The following PCDHGB7 variants were observed in gnomAD, a reference collection of about 807,000 sequenced individuals.
PCDHGB7 encodes the protein protocadherin gamma subfamily B, 7.
Under a neutral mutation model 61.4 loss-of-function variants are expected in PCDHGB7, and 37 were observed. The ratio of observed to expected loss-of-function variants is 0.60; its 90% CI spans 0.46 to 0.79. The LOEUF is 0.79. Among genes scored for constraint, PCDHGB7 ranks in the 30% least tolerant of loss-of-function variants. PCDHGB7 has a pLI of 0.00. For synonymous variants in PCDHGB7, 464 were observed against 503.5 expected (o/e 0.92, Z 1.05); for missense variants, 1,166 against 1,202.5 (o/e 0.97, Z 0.45).
chr5:141,459,580 G>C (rs1364413383), intron 1 of PCDHGB7, among the ~76,000 whole-genome samples: 1 of 152,118 alleles, frequency 6.6e-6, no homozygotes, highest in Non-Finnish European at 1.5e-5. Flanking sequence ...GAATTGTTTT[G>C]GGGGTCATAT....
intron 1 of PCDHGB7, among the ~76,000 whole-genome samples, chr5:141,445,318 G>T (rs182520609): frequency 2.0e-4 from 30 of 152,306 alleles, no homozygotes; most frequent in African/African-American, 7.2e-4. Context: ...TAGGTTGAGA[G>T]AACCCATCCA....
rs750139205 is a variant in PCDHGB7 at position 141,489,738 on chromosome 5, T to C, written c.2416-5069T>C. Reference sequence around the variant, plus strand: ...AGGATCCGGATGTGGGCACCAATACTGTGAGCTTTTACACTCTAAGCCCCA... The same window carrying C: ...AGGATCCGGATGTGGGCACCAATACCGTGAGCTTTTACACTCTAAGCCCCA... On this transcript the variant is annotated intron_variant, in intron 1 of 3. Coordinates refer to ENST00000398594, the MANE Select transcript of PCDHGB7 (RefSeq NM_018927.4). This position sits in a 1 kb window ranked among gnomAD's most constrained non-coding sequence, Gnocchi z 4.5. 1 of 1,614,168 alleles carries C rather than the reference T, an allele frequency of 6.2e-7. No individual in the cohort carries two copies. Among genetic ancestry groups the C allele is most frequent in the Non-Finnish European group, 8.5e-7 (1 of 1,180,030 alleles).
At chr5:141,446,822 A>G (rs976227044) in intron 1 of PCDHGB7, among the ~76,000 whole-genome samples, 1 of 152,206 alleles carries the variant, frequency 6.6e-6, no homozygotes, top group African/African-American at 2.4e-5. Flanking sequence ...TCAGATGGGT[A>G]GATCCTTATA....
intron 1 of PCDHGB7, among the ~76,000 whole-genome samples, chr5:141,437,550 A>T (rs866913156): frequency 6.6e-6 from 1 of 152,192 alleles, no homozygotes; most frequent in African/African-American, 2.4e-5. Context: ...AGTTTTCTTT[A>T]TGACATGTAA....
rs141397385 is a variant in PCDHGB7 at position 141,476,135 on chromosome 5, A to C, written c.2416-18672A>C. 8.4e-4 allele frequency: 1,352 copies of C among 1,608,526 alleles called. 1 individual carries two copies. Among genetic ancestry groups the C allele is most frequent in the Non-Finnish European group, 1.1e-3 (1,319 of 1,178,332 alleles). On this transcript the variant is annotated intron_variant, in intron 1 of 3. Transcript: ENST00000398594. This position sits in a 1 kb window ranked among gnomAD's most constrained non-coding sequence, Gnocchi z 7.6. ...GAGTGAGATGGTCCCAGAGGCCTGG[A>C]GGAGCGGACTGGTAAGCACCGGGAG...
At chr5:141,474,920 C>A (rs1363277892) in intron 1 of PCDHGB7, among the ~76,000 whole-genome samples, 2 of 152,232 alleles carry the variant, frequency 1.3e-5, no homozygotes, top group Admixed American at 6.5e-5. Context: ...TACATCTCAT[C>A]TCTGGCTTAT....
chr5:141,490,604 A>T lies in PCDHGB7; in HGVS notation c.2416-4203A>T, dbSNP rs749528675. ...GTCAATGACAATGCACCCCGCTTCA[A>T]CCAGCAGCTTTACACTGCTTACATC... On this transcript the variant is annotated intron_variant, in intron 1 of 3. Transcript: ENST00000398594. The surrounding 1 kb of genome is among the most constrained non-coding windows in gnomAD (Gnocchi z 5.4). 6.2e-7 allele frequency: 1 copy of T among 1,614,192 alleles called. No homozygotes were observed. The highest frequency in any genetic ancestry group is 8.5e-7 in the Non-Finnish European group (1 of 1,180,022).
chr5:141,485,172 CA>C lies in PCDHGB7; in HGVS notation c.2416-9633del. 6.2e-7 allele frequency: 1 copy of C among 1,610,166 alleles called. No individual in the cohort carries two copies. Among genetic ancestry groups the C allele is most frequent in the Non-Finnish European group, 8.5e-7 (1 of 1,176,940 alleles). On this transcript the variant is annotated intron_variant, in intron 1 of 3. Coordinates refer to ENST00000398594, the MANE Select transcript of PCDHGB7 (RefSeq NM_018927.4). The surrounding 1 kb of genome is among the most constrained non-coding windows in gnomAD (Gnocchi z 5.7). ...CAAGTAGAGAATTAGCGGGCGGCAG[CA>C]ATGCTCCGCAAGGTGAGAAGCTGGA...
In PCDHGB7 at chr5:141,491,081, C is replaced by T; in HGVS notation, c.2416-3726C>T. The T allele has an allele frequency of 6.2e-7, 1 of 1,614,176 alleles. No individual in the cohort carries two copies. The highest frequency in any genetic ancestry group is 8.5e-7 in the Non-Finnish European group (1 of 1,180,010). On this transcript the variant is annotated intron_variant, in intron 1 of 3. Coordinates refer to ENST00000398594, the MANE Select transcript of PCDHGB7 (RefSeq NM_018927.4). The surrounding 1 kb of genome is among the most constrained non-coding windows in gnomAD (Gnocchi z 6.9). Reference sequence around the variant, plus strand: ...TCCTACTCACTGTTGCCACAGTCCACAGCCCCAGGACTGTTCCTCGTGTCT... The same window carrying T: ...TCCTACTCACTGTTGCCACAGTCCATAGCCCCAGGACTGTTCCTCGTGTCT...
intron 1 of PCDHGB7, among the ~76,000 whole-genome samples, chr5:141,435,783 G>A (rs1273339025): frequency 6.6e-6 from 1 of 152,124 alleles, no homozygotes; most frequent in Non-Finnish European, 1.5e-5. Context: ...TAAAGGTGCA[G>A]GGAAACATAA....
intron 1 of PCDHGB7, among the ~76,000 whole-genome samples, chr5:141,424,973 G>A (rs2096851520): frequency 6.6e-6 from 1 of 152,108 alleles, no homozygotes; most frequent in African/African-American, 2.4e-5. Flanking sequence ...AAATTACTTG[G>A]ATATTTATGT....
At chr5:141,496,178 C>T (rs1481326898) in intron 2 of PCDHGB7, among the ~76,000 whole-genome samples, 2 of 152,080 alleles carry the variant, frequency 1.3e-5, no homozygotes, top group Admixed American at 1.3e-4. Flanking sequence ...CCCATCCAAG[C>T]AGCCCCAGCT....
rs1184232947 is a variant in PCDHGB7 at position 141,487,060 on chromosome 5, G to T, written c.2416-7747G>T. ...TCTCTCGATATGCTGGGGAGGTGCG[G>T]ACGGCTGTTCCTATCCCAGCTGACC... On this transcript the variant is annotated intron_variant, in intron 1 of 3. Transcript: ENST00000398594. This position sits in a 1 kb window ranked among gnomAD's most constrained non-coding sequence, Gnocchi z 5.0. The T allele has an allele frequency of 1.9e-6, 3 of 1,614,182 alleles. No individual in the cohort carries two copies. In the East Asian group the frequency reaches 6.7e-5, roughly 36 times the overall value.
rs1225265096 is a variant in PCDHGB7 at position 141,490,666 on chromosome 5, G to A, written c.2416-4141G>A. Reference sequence around the variant, plus strand: ...GCCTCCGGGCTCCCTTCTTTGCACTGTGGCTGCCTCAGATCCAGACACTGG... The same window carrying A: ...GCCTCCGGGCTCCCTTCTTTGCACTATGGCTGCCTCAGATCCAGACACTGG... On this transcript the variant is annotated intron_variant, in intron 1 of 3. Coordinates refer to ENST00000398594, the MANE Select transcript of PCDHGB7 (RefSeq NM_018927.4). The surrounding 1 kb of genome is among the most constrained non-coding windows in gnomAD (Gnocchi z 5.4). The A allele has an allele frequency of 1.2e-6, 2 of 1,614,134 alleles. No homozygotes were observed. The highest frequency in any genetic ancestry group is 3.3e-5 in the Admixed American group (2 of 60,026).
intron 3 of PCDHGB7, among the ~76,000 whole-genome samples, chr5:141,508,837 A>C (rs1596180024): frequency 6.7e-6 from 1 of 149,276 alleles, no homozygotes; most frequent in Non-Finnish European, 1.5e-5. Context: ...CCCCTCCCCT[A>C]CCCCTTCCAT....
chr5:141,430,521 A>G, intron 1 of PCDHGB7: 1 of 350,390 alleles, frequency 2.9e-6, no homozygotes, highest in Non-Finnish European at 5.1e-6. Context: ...TTGTGCAGTA[A>G]TTGGTTAGGA....
At chr5:141,438,591 C>CATATATATAT (rs946798767) in intron 1 of PCDHGB7, among the ~76,000 whole-genome samples, 17 of 75,552 alleles carry the variant, frequency 2.3e-4, no homozygotes, top group Non-Finnish European at 3.8e-4. Context: ...TACATACATA[C>CATATATATAT]ATATATATAT....
Position 141,511,590 on chromosome 5 carries a change from A to C in PCDHGB7, c.*417A>C, listed in dbSNP as rs2099883868. On this transcript the variant is annotated 3_prime_UTR_variant, in exon 4 of 4. Transcript: ENST00000398594. ...AGTAAGGTGGTTGGGGTGTTGAAGT[A>C]CCAAGTAACCTACAAGCCTCCTAGT... The C allele has an allele frequency of 3.7e-6, 1 of 267,790 alleles. No homozygotes were observed. Among genetic ancestry groups the C allele is most frequent in the Admixed American group, 4.8e-5 (1 of 20,946 alleles). The allele number at this position is 267,790 out of a possible 1,614,324, so 16.6% of individuals were successfully genotyped here.
intron 1 of PCDHGB7, among the ~76,000 whole-genome samples, chr5:141,484,358 G>A (rs2099595185): frequency 6.6e-6 from 1 of 152,160 alleles, no homozygotes; most frequent in South Asian, 2.1e-4. Flanking sequence ...AGTGTATCTA[G>A]TGTATCACTA....
Sources: gnomAD v4.1 joint callset for allele counts (sites outside exome capture counted in the v4.1 genomes callset) on GRCh38, gnomAD v4.1.1 for gene constraint, Gnocchi (gnomAD v3.1) non-coding constraint, MANE v1.5 for transcripts, NCBI Gene and HGNC (gene_info 2026-07-23, HGNC 2026-07-21) for gene names.